The following B3GALT1 variants were observed in gnomAD, a reference collection of about 807,000 sequenced individuals.
B3GALT1 encodes beta-1,3-galactosyltransferase 1.
B3GALT1 carries 10 observed loss-of-function variants against 23.2 expected under a neutral mutation model. The ratio of observed to expected loss-of-function variants is 0.43; its 90% CI spans 0.27 to 0.73. The LOEUF (loss-of-function observed/expected upper bound fraction) is 0.73, where lower values mean the gene tolerates loss of function less well. Among genes scored for constraint, B3GALT1 ranks in the 30% least tolerant of loss-of-function variants. B3GALT1 has a pLI of 0.21. For missense variants in B3GALT1, 299 were observed against 405.4 expected, an observed-to-expected ratio of 0.74 and a Z score of 2.25; for synonymous variants, 156 against 141.5, an observed-to-expected ratio of 1.10 and a Z score of -0.73.
At chr2:167,712,622 G>C (rs1476008685) in intron 3 of B3GALT1, among the ~76,000 whole-genome samples, 1 of 152,010 alleles carries the variant, frequency 6.6e-6, no homozygotes, top group African/African-American at 2.4e-5. Flanking sequence ...CACTAACCCT[G>C]TTGGATTAAA....
In B3GALT1 at chr2:167,759,571, A is replaced by C. The variant is rs545704139; in HGVS notation, c.-351-59101A>C. Among the ~76,000 whole-genome samples, 281 of 152,346 alleles carry C rather than the reference A, an allele frequency of 1.8e-3. 2 individuals carry two copies. The South Asian group carries it at 0.024, about 13-fold the overall frequency. Reference sequence around the variant, plus strand: ...CCATAAAGTGCCATGGAAGGAAAAAAAGAGAAAATGAGGGCCAGAGAAGCC... The same window carrying C: ...CCATAAAGTGCCATGGAAGGAAAAACAGAGAAAATGAGGGCCAGAGAAGCC... On this transcript the variant is annotated intron_variant, in intron 3 of 4. Transcript: ENST00000392690.
intron 3 of B3GALT1, among the ~76,000 whole-genome samples, chr2:167,716,588 A>C (rs1039781934): frequency 1.3e-5 from 2 of 152,200 alleles, no homozygotes; most frequent in African/African-American, 4.8e-5. Flanking sequence ...TCTTGTACAC[A>C]GCACACAAGA....
chr2:167,294,128 G>C (rs1399972546), intron 1 of B3GALT1, among the ~76,000 whole-genome samples: 4 of 152,208 alleles, frequency 2.6e-5, no homozygotes, highest in African/African-American at 9.6e-5. Context: ...GGTGGAGGCA[G>C]AGCGGGGCTC....
intron 3 of B3GALT1, among the ~76,000 whole-genome samples, chr2:167,653,976 G>A (rs1685909414): frequency 6.6e-6 from 1 of 152,136 alleles, no homozygotes; most frequent in South Asian, 2.1e-4. Flanking sequence ...CAAAGTCTTG[G>A]ATATGGCTCC....
At chr2:167,832,460 G>A (rs775179813) in intron 4 of B3GALT1, among the ~76,000 whole-genome samples, 10 of 152,246 alleles carry the variant, frequency 6.6e-5, no homozygotes, top group Middle Eastern at 3.4e-3. Context: ...TGGGAATGGG[G>A]ACAAAATAAG....
In B3GALT1 at chr2:167,854,084, T is replaced by C. The variant is rs530004377; in HGVS notation, c.-229-14727T>C. On this transcript the variant is annotated intron_variant, in intron 4 of 4. Coordinates refer to ENST00000392690, the MANE Select transcript of B3GALT1 (RefSeq NM_020981.4). ...AGTAGGGATTGATTTATTTAGTTTATGGTGGTTGATATTTCTCTTGGACAA... is the reference window on the plus strand; with the variant it reads ...AGTAGGGATTGATTTATTTAGTTTACGGTGGTTGATATTTCTCTTGGACAA... Among the ~76,000 whole-genome samples the C allele has an allele frequency of 9.2e-5, 14 of 152,312 alleles. No homozygotes were observed. In the South Asian group the frequency reaches 2.9e-3, roughly 32 times the overall value.
chr2:167,569,045 C>G (rs1684236917), intron 2 of B3GALT1, among the ~76,000 whole-genome samples: 1 of 151,772 alleles, frequency 6.6e-6, no homozygotes, highest in Non-Finnish European at 1.5e-5. Context: ...TTTATGTGGG[C>G]TTTTTCTGGG....
chr2:167,309,620 T>G (rs1696605021), intron 1 of B3GALT1, among the ~76,000 whole-genome samples: 1 of 152,052 alleles, frequency 6.6e-6, no homozygotes, highest in Non-Finnish European at 1.5e-5. Context: ...GCATCTGTAT[T>G]CTCTTTTGCT....
intron 1 of B3GALT1, among the ~76,000 whole-genome samples, chr2:167,435,929 C>T (rs1049017677): frequency 6.7e-6 from 1 of 149,910 alleles, no homozygotes; most frequent in Admixed American, 6.7e-5. Context: ...TGCTTTTCTC[C>T]ATGTCTACCC....
chr2:167,753,607 C>T (rs766491566), intron 3 of B3GALT1, among the ~76,000 whole-genome samples: 50 of 152,172 alleles, frequency 3.3e-4, no homozygotes, highest in East Asian at 1.9e-4. Flanking sequence ...CCTCCCTGCC[C>T]GTGAACATGT....
intron 2 of B3GALT1, among the ~76,000 whole-genome samples, chr2:167,553,952 T>C (rs1354014441): frequency 6.6e-6 from 1 of 151,994 alleles, no homozygotes; most frequent in African/African-American, 2.4e-5. Flanking sequence ...ACAGGCAAAA[T>C]GTCAAAAAAA....
At chr2:167,491,206 C>A (rs1320524739) in intron 2 of B3GALT1, among the ~76,000 whole-genome samples, 3 of 152,166 alleles carry the variant, frequency 2.0e-5, no homozygotes, top group Admixed American at 6.5e-5. Context: ...AAGTGCTCAG[C>A]AGGTTCTGCA....
intron 2 of B3GALT1, among the ~76,000 whole-genome samples, chr2:167,592,562 C>T (rs1354341330): frequency 6.6e-6 from 1 of 152,172 alleles, no homozygotes. Context: ...TATCTCTTTC[C>T]ATTCACTGAA....
At chr2:167,746,291 A>G (rs1687650761) in intron 3 of B3GALT1, among the ~76,000 whole-genome samples, 1 of 152,254 alleles carries the variant, frequency 6.6e-6, no homozygotes, top group Non-Finnish European at 1.5e-5. Context: ...TTAAAAGACA[A>G]ATAAAATGAG....
At position 167,631,259 on chromosome 2, in the gene B3GALT1, G is replaced by C. The variant is rs192570988; in HGVS notation, c.-409-15650G>C. Among the ~76,000 whole-genome samples, 6 of 151,882 alleles carry C rather than the reference G, an allele frequency of 4.0e-5. No individual in the cohort carries two copies. In the East Asian group the frequency reaches 1.2e-3, roughly 29 times the overall value. ...AATGATTCTGTGCAGAGTGCCTGCT[G>C]AAGATGCTGATTTGACCATAAGGAA... On this transcript the variant is annotated intron_variant, in intron 2 of 4. Transcript: ENST00000392690.
chr2:167,422,495 G>A (rs1559091891), intron 1 of B3GALT1, among the ~76,000 whole-genome samples: 1 of 152,190 alleles, frequency 6.6e-6, no homozygotes, highest in Non-Finnish European at 1.5e-5. Context: ...TACATAGTCA[G>A]GATTTCTTCA....
intron 1 of B3GALT1, among the ~76,000 whole-genome samples, chr2:167,469,249 A>G: frequency 6.6e-6 from 1 of 152,172 alleles, no homozygotes; most frequent in South Asian, 2.1e-4. Context: ...CTAGCTAAGT[A>G]GCTTTGGGAA....
intron 2 of B3GALT1, among the ~76,000 whole-genome samples, chr2:167,520,205 C>G (rs1262134004): frequency 6.6e-6 from 1 of 152,032 alleles, no homozygotes; most frequent in Non-Finnish European, 1.5e-5. Flanking sequence ...AGCAATGATA[C>G]CAGCATTTTA....
chr2:167,367,516 A>G (rs1367946499), intron 1 of B3GALT1, among the ~76,000 whole-genome samples: 1 of 152,150 alleles, frequency 6.6e-6, no homozygotes, highest in Non-Finnish European at 1.5e-5. Context: ...TATAGGACAC[A>G]TTTTTGAGGA....
Sources: allele counts gnomAD v4.1 joint callset (sites outside exome capture counted in the v4.1 genomes callset), GRCh38; gene constraint gnomAD v4.1.1; transcripts MANE v1.5; gene names NCBI Gene and HGNC (gene_info 2026-07-23, HGNC 2026-07-21).